UGT2A2: variants seen among roughly 807,000 people sequenced by gnomAD.
UGT2A2 encodes UDP-glucuronosyltransferase 2A2.
Under a neutral mutation model 50.7 loss-of-function variants are expected in UGT2A2, and 60 were observed. That is an observed-to-expected ratio of 1.18 (90% confidence interval 0.96 to 1.47). The LOEUF is 1.47. Ranked by LOEUF, UGT2A2 falls within the 40% of genes most tolerant of loss-of-function variation. UGT2A2 has a pLI of 0.00. For missense variants in UGT2A2, 762 were observed against 634.0 expected (o/e 1.20, Z -2.17); for synonymous variants, 242 against 214.6 (o/e 1.13, Z -1.11).
chr4:69,612,673 C>T (rs189018160), intron 1 of UGT2A2, among the ~76,000 whole-genome samples: 276 of 151,990 alleles, frequency 1.8e-3, no homozygotes, highest in African/African-American at 6.4e-3. Context: ...ACTGGCTAGC[C>T]ATATGCAGAA....
chr4:69,590,810 A>G (rs1423664566), intron 5 of UGT2A2, among the ~76,000 whole-genome samples: 2 of 152,230 alleles, frequency 1.3e-5, no homozygotes, highest in African/African-American at 2.4e-5. Flanking sequence ...ATGTGGGACA[A>G]AGACCATGCT....
intron 5 of UGT2A2, among the ~76,000 whole-genome samples, chr4:69,593,878 T>C (rs1006401473): frequency 1.3e-5 from 2 of 151,632 alleles, no homozygotes; most frequent in African/African-American, 4.9e-5. Context: ...AATTAGTTTA[T>C]AATATTAAGC....
chr4:69,628,842 C>A (rs1721234634), intron 1 of UGT2A2, among the ~76,000 whole-genome samples: 1 of 151,064 alleles, frequency 6.6e-6, no homozygotes, highest in South Asian at 2.1e-4. Flanking sequence ...CTTTTACATA[C>A]TATTATGGTC....
intron 5 of UGT2A2, among the ~76,000 whole-genome samples, chr4:69,591,886 G>T (rs540522103): frequency 6.6e-6 from 1 of 152,208 alleles, no homozygotes; most frequent in South Asian, 2.1e-4. Context: ...GTCAAAAAAA[G>T]ATCATACTGA....
intron 1 of UGT2A2, among the ~76,000 whole-genome samples, chr4:69,634,262 A>AAACAG (rs1356354444): frequency 4.8e-5 from 4 of 84,190 alleles, no homozygotes; most frequent in African/African-American, 2.2e-4. Flanking sequence ...AAACAAAACA[A>AAACAG]AACAAAACAA....
chr4:69,618,855 G>A (rs1286039086), intron 1 of UGT2A2, among the ~76,000 whole-genome samples: 1 of 151,646 alleles, frequency 6.6e-6, no homozygotes, highest in South Asian at 2.1e-4. Flanking sequence ...AACAAAATAA[G>A]ACCAGCAAGA....
chr4:69,637,346 T>C (rs1197706372), intron 1 of UGT2A2, among the ~76,000 whole-genome samples: 1 of 152,072 alleles, frequency 6.6e-6, no homozygotes, highest in South Asian at 2.1e-4. Flanking sequence ...GAAAACTTTT[T>C]GATAAAAAAA....
intron 1 of UGT2A2, among the ~76,000 whole-genome samples, chr4:69,608,690 T>G (rs971744430): frequency 1.3e-5 from 2 of 151,706 alleles, no homozygotes; most frequent in African/African-American, 4.8e-5. Context: ...AAAAAATAAT[T>G]TATTTTATTA....
chr4:69,597,762 A>G (rs1577948373), intron 2 of UGT2A2, among the ~76,000 whole-genome samples: 1 of 152,038 alleles, frequency 6.6e-6, no homozygotes. Context: ...ACAAACGTAC[A>G]CATCTATCAT....
At position 69,639,472 on chromosome 4, in the gene UGT2A2, G is replaced by T. The variant is rs753572159; in HGVS notation, c.169C>A (p.His57Asn). Residue 57 changes from histidine to asparagine, a missense_variant, in exon 1 of 6, where the codon CAC becomes AAC. Coordinates refer to ENST00000604629, the MANE Select transcript of UGT2A2 (RefSeq NM_001105677.2). Reference protein sequence around the residue: ...IILEELIQRNHNVTVLASSAT... With the variant: ...IILEELIQRNNNVTVLASSAT... ...GATGAAGCCAGTACAGTCACATTGTGATTTCTTTGAATCAACTCTTCTAGA... is the reference window on the plus strand; with the variant it reads ...GATGAAGCCAGTACAGTCACATTGTTATTTCTTTGAATCAACTCTTCTAGA... 1 of 1,613,048 alleles carries T rather than the reference G, an allele frequency of 6.2e-7. No individual in the cohort carries two copies. Among genetic ancestry groups the T allele is most frequent in the East Asian group, 2.2e-5 (1 of 44,848 alleles).
chr4:69,589,369 G>C lies in UGT2A2; in HGVS notation c.*3C>G. On this transcript the variant is annotated 3_prime_UTR_variant, in exon 6 of 6. Coordinates refer to ENST00000604629, the MANE Select transcript of UGT2A2 (RefSeq NM_001105677.2). ...AATATATATATTTCCTCTTTTTCTTGACCTATTCTCTTTTTTTCTTCTTTC... is the reference window on the plus strand; with the variant it reads ...AATATATATATTTCCTCTTTTTCTTCACCTATTCTCTTTTTTTCTTCTTTC... 2.5e-6 allele frequency: 4 copies of C among 1,606,632 alleles called. No homozygotes were observed. Among genetic ancestry groups the C allele is most frequent in the Non-Finnish European group, 8.5e-7 (1 of 1,176,664 alleles).
At chr4:69,620,414 G>A (rs1720681454) in intron 1 of UGT2A2, among the ~76,000 whole-genome samples, 1 of 132,482 alleles carries the variant, frequency 7.5e-6, no homozygotes, top group Admixed American at 7.2e-5. Context: ...TAGGAATACA[G>A]CTAACCAGGG....
At position 69,589,113 on chromosome 4, in the gene UGT2A2, T is replaced by C. The variant is rs2109868710; in HGVS notation, c.*259A>G. The C allele has an allele frequency of 3.1e-6, 1 of 318,220 alleles. No individual in the cohort carries two copies. The highest frequency in any genetic ancestry group is 5.8e-5 in the East Asian group (1 of 17,370). The allele number at this position is 318,220 out of a possible 1,614,324, so 19.7% of individuals were successfully genotyped here. ...TTTAAAATTAGGTAGTATCCTTGTGTCAGAAAAGTGACAGGAAGAGGGTAT... is the reference window on the plus strand; with the variant it reads ...TTTAAAATTAGGTAGTATCCTTGTGCCAGAAAAGTGACAGGAAGAGGGTAT... On this transcript the variant is annotated 3_prime_UTR_variant, in exon 6 of 6. Transcript: ENST00000604629.
chr4:69,637,628 C>A (rs918956293), intron 1 of UGT2A2, among the ~76,000 whole-genome samples: 1 of 152,098 alleles, frequency 6.6e-6, no homozygotes, highest in Non-Finnish European at 1.5e-5. Flanking sequence ...TTTAAATATG[C>A]AAACTCACTC....
intron 1 of UGT2A2, among the ~76,000 whole-genome samples, chr4:69,632,786 G>A (rs773294134): frequency 6.6e-6 from 1 of 151,814 alleles, no homozygotes; most frequent in Admixed American, 6.6e-5. Context: ...TACTCTGGAC[G>A]CAGAGGCAGG....
At chr4:69,599,159 T>G (rs1234954451) in intron 2 of UGT2A2, 87 bp downstream of exon 2, 2 of 1,457,160 alleles carry the variant, frequency 1.4e-6, no homozygotes, top group Non-Finnish European at 1.8e-6. Flanking sequence ...CCAGCAGCAT[T>G]TATTTGTTAT....
chr4:69,626,196 A>T (rs1437259408), intron 1 of UGT2A2, among the ~76,000 whole-genome samples: 1 of 151,142 alleles, frequency 6.6e-6, no homozygotes, highest in Non-Finnish European at 1.5e-5. Flanking sequence ...TTGATCTGGT[A>T]GAGAGATATT....
chr4:69,618,635 C>T (rs1228509720), intron 1 of UGT2A2, among the ~76,000 whole-genome samples: 2 of 151,858 alleles, frequency 1.3e-5, no homozygotes, highest in Non-Finnish European at 2.9e-5. Flanking sequence ...CTGAAACCCT[C>T]GATACAGTAA....
At chr4:69,601,150 C>T (rs1235642013) in intron 1 of UGT2A2, among the ~76,000 whole-genome samples, 1 of 152,152 alleles carries the variant, frequency 6.6e-6, no homozygotes, top group Non-Finnish European at 1.5e-5. Flanking sequence ...TGCTGCTACA[C>T]ATACTCCCCA....
Sources: gnomAD v4.1 joint callset for allele counts (sites outside exome capture counted in the v4.1 genomes callset) on GRCh38, gnomAD v4.1.1 for gene constraint, MANE v1.5 for transcripts, NCBI Gene and HGNC (gene_info 2026-07-23, HGNC 2026-07-21) for gene names.